NXPE2: variants seen among roughly 807,000 people sequenced by gnomAD.
The protein encoded by NXPE2 is neurexophilin and PC-esterase domain family member 2.
NXPE2 carries 34 observed loss-of-function variants against 34.4 expected under a neutral mutation model. That is an observed-to-expected ratio of 0.99 (90% CI 0.75 to 1.31). The LOEUF is 1.31. Among genes scored for constraint, NXPE2 ranks in the 40% most tolerant of loss-of-function variants. The pLI, the probability that NXPE2 is intolerant of heterozygous loss-of-function variation, is 0.00. For missense variants in NXPE2, 649 were observed against 672.5 expected (o/e 0.97, Z 0.39); for synonymous variants, 235 against 231.3 (o/e 1.02, Z -0.15).
the NXPE2 span, among the ~76,000 whole-genome samples, chr11:114,632,904 A>T: frequency 1.1e-5 from 1 of 88,072 alleles, no homozygotes; most frequent in Non-Finnish European, 2.0e-5. Flanking sequence ...TTTATGTAAT[A>T]CAATATTATA....
chr11:114,711,280 T>G, downstream of NXPE2, among the ~76,000 whole-genome samples: 1 of 152,002 alleles, frequency 6.6e-6, no homozygotes, highest in Non-Finnish European at 1.5e-5. Flanking sequence ...TTGTTATATA[T>G]AGCATATGAC....
intron 2 of NXPE2, among the ~76,000 whole-genome samples, chr11:114,692,371 C>G (rs1352958641): frequency 2.0e-5 from 3 of 152,162 alleles, no homozygotes; most frequent in Admixed American, 6.5e-5. Flanking sequence ...CCATTCTCCC[C>G]CTTCATCCTT....
the NXPE2 span, among the ~76,000 whole-genome samples, chr11:114,640,823 TG>T: frequency 6.6e-6 from 1 of 152,182 alleles, no homozygotes; most frequent in South Asian, 2.1e-4. Flanking sequence ...CTTCCTAATT[TG>T]TTTGAGGTCC....
the NXPE2 span, among the ~76,000 whole-genome samples, chr11:114,623,910 T>C: frequency 8.0e-5 from 12 of 150,268 alleles, no homozygotes; most frequent in Admixed American, 6.0e-4. Context: ...AGGGTAATCA[T>C]TGCTACCCAG....
Position 114,705,824 on chromosome 11 carries a change from T to A in NXPE2, c.972T>A (p.Thr324=). ...IKKNCQIGMK[T]PFPSGYTLKK... ...AGAACTGCCAGATTGGAATGAAGACTCCTTTCCCCAGTGGTTATACTTTGA... is the reference window on the plus strand; with the variant it reads ...AGAACTGCCAGATTGGAATGAAGACACCTTTCCCCAGTGGTTATACTTTGA... The change falls in exon 5 of 6, where the codon ACT becomes ACA. Residue 324 remains threonine (T), a synonymous_variant. Coordinates refer to ENST00000389586, the MANE Select transcript of NXPE2 (RefSeq NM_182495.6). The A allele has an allele frequency of 6.5e-7, 1 of 1,532,870 alleles. No homozygotes were observed. Among genetic ancestry groups the A allele is most frequent in the African/African-American group, 1.4e-5 (1 of 71,998 alleles). 95.0% of individuals were successfully genotyped at this position (1,532,870 alleles called of 1,614,324 possible).
the NXPE2 span, among the ~76,000 whole-genome samples, chr11:114,663,345 G>A: frequency 6.6e-6 from 1 of 152,184 alleles, no homozygotes; most frequent in Non-Finnish European, 1.5e-5. Context: ...GCCTGCCAAT[G>A]TCTGGATTGG....
At chr11:114,615,006 AAGTGTTTCCTCGTGGGTAACC>A in the NXPE2 span, among the ~76,000 whole-genome samples, 1 of 150,332 alleles carries the variant, frequency 6.7e-6, no homozygotes, top group Non-Finnish European at 1.5e-5. Flanking sequence ...GGTTTATAAT[AAGTGTTTCCTCGTGGGTAACC>A]AGTGTTACCC....
At chr11:114,728,501 C>T in the NXPE2 span, among the ~76,000 whole-genome samples, 5 of 152,054 alleles carry the variant, frequency 3.3e-5, no homozygotes, top group African/African-American at 1.2e-4. Context: ...ATTCTTCTAA[C>T]CATGAAACTC....
At chr11:114,682,300 A>G (rs1950962618) in intron 2 of NXPE2, among the ~76,000 whole-genome samples, 1 of 152,220 alleles carries the variant, frequency 6.6e-6, no homozygotes, top group African/African-American at 2.4e-5. Context: ...TGTGCTTTTG[A>G]CATTAATGAT....
At chr11:114,722,213 A>G in the NXPE2 span, among the ~76,000 whole-genome samples, 1 of 152,164 alleles carries the variant, frequency 6.6e-6, no homozygotes, top group African/African-American at 2.4e-5. Flanking sequence ...TGATTAGATC[A>G]TGGGAGCAGT....
chr11:114,607,369 G>A, the NXPE2 span, among the ~76,000 whole-genome samples: 3,632 of 151,108 alleles, frequency 0.024, 137 homozygotes, highest in African/African-American at 0.081. Flanking sequence ...ACTGTTATCC[G>A]GTGGATAATA....
chr11:114,764,159 A>G, the NXPE2 span, among the ~76,000 whole-genome samples: 1 of 152,120 alleles, frequency 6.6e-6, no homozygotes, highest in Admixed American at 6.5e-5. Flanking sequence ...TTCCTTCTTT[A>G]CATATATGTA....
chr11:114,594,882 A>T, the NXPE2 span: 22 of 601,262 alleles, frequency 3.7e-5, 1 homozygote, highest in South Asian at 4.3e-4. Context: ...TTAGCCTCAG[A>T]TAAATAACTC....
At chr11:114,796,204 G>A in the NXPE2 span, among the ~76,000 whole-genome samples, 21,781 of 152,120 alleles carry the variant, frequency 0.14, 1,570 homozygotes, top group African/African-American at 0.18. Context: ...TAGATTCAGG[G>A]TATACATGTA....
chr11:114,763,293 T>G, the NXPE2 span, among the ~76,000 whole-genome samples: 1 of 152,220 alleles, frequency 6.6e-6, no homozygotes, highest in Non-Finnish European at 1.5e-5. Context: ...GTAAAATTAA[T>G]TTTTTGTTCT....
chr11:114,708,248 A>C (rs1951504643), downstream of NXPE2, among the ~76,000 whole-genome samples: 1 of 152,166 alleles, frequency 6.6e-6, no homozygotes. Context: ...CATGGATCAC[A>C]CTTCAAAACC....
chr11:114,626,104 C>G, the NXPE2 span, among the ~76,000 whole-genome samples: 1 of 152,090 alleles, frequency 6.6e-6, no homozygotes, highest in Non-Finnish European at 1.5e-5. Context: ...GGGAGAGGGG[C>G]GCCCGCCATT....
At chr11:114,764,955 C>T in the NXPE2 span, among the ~76,000 whole-genome samples, 5 of 152,116 alleles carry the variant, frequency 3.3e-5, no homozygotes, top group East Asian at 1.9e-4. Context: ...TTTCTTTTCT[C>T]TCATTTAAAG....
the NXPE2 span, among the ~76,000 whole-genome samples, chr11:114,612,940 C>G: frequency 4.6e-5 from 7 of 151,856 alleles, no homozygotes; most frequent in African/African-American, 1.7e-4. Flanking sequence ...TCGCATGTAT[C>G]CACTGTTACC....
Sources: allele counts gnomAD v4.1 joint callset (sites outside exome capture counted in the v4.1 genomes callset), GRCh38; gene constraint gnomAD v4.1.1; transcripts MANE v1.5; gene names NCBI Gene and HGNC (gene_info 2026-07-23, HGNC 2026-07-21).